The following SGCD variants were observed in gnomAD, a reference collection of about 807,000 sequenced individuals.
The protein encoded by SGCD is sarcoglycan delta.
Under a neutral mutation model 36.6 loss-of-function variants are expected in SGCD, and 18 were observed. That is an observed-to-expected ratio of 0.49 (90% CI 0.34 to 0.73). The LOEUF is 0.73. Ranked by LOEUF, SGCD falls within the 30% of genes least tolerant of loss-of-function variation. The pLI is 0.01. For synonymous variants in SGCD, 133 were observed against 130.6 expected (o/e 1.02, Z -0.12); for missense variants, 387 against 346.7 (o/e 1.12, Z -0.92).
chr5:156,443,590 G>T (rs1753599901), intron 3 of SGCD, among the ~76,000 whole-genome samples: 1 of 152,066 alleles, frequency 6.6e-6, no homozygotes, highest in South Asian at 2.1e-4. Flanking sequence ...CTGGGTCACT[G>T]CTAATTGGGT....
At chr5:155,873,756 G>GT (rs1755707050) in intron 1 of SGCD, among the ~76,000 whole-genome samples, 1 of 151,994 alleles carries the variant, frequency 6.6e-6, no homozygotes, top group South Asian at 2.1e-4. Flanking sequence ...CTCTCAAAAA[G>GT]TTAAAAAAGC....
chr5:156,341,370 T>C (rs571373986), intron 2 of SGCD, among the ~76,000 whole-genome samples: 6 of 152,284 alleles, frequency 3.9e-5, no homozygotes, highest in Admixed American at 2.0e-4. Flanking sequence ...CTAGAGTTTC[T>C]TGCAAGACTT....
the SGCD span, among the ~76,000 whole-genome samples, chr5:155,745,586 G>C: frequency 6.6e-6 from 1 of 151,716 alleles, no homozygotes; most frequent in South Asian, 2.1e-4. Flanking sequence ...TGTAAAGTAA[G>C]AGAGAAGTTA....
At chr5:156,333,298 T>C (rs1213521036) in intron 2 of SGCD, among the ~76,000 whole-genome samples, 1 of 152,178 alleles carries the variant, frequency 6.6e-6, no homozygotes, top group African/African-American at 2.4e-5. Context: ...TTATAGGTTT[T>C]AGAGACATAT....
At chr5:156,291,035 C>T (rs915958764) in intron 3 of SGCD, among the ~76,000 whole-genome samples, 13 of 152,088 alleles carry the variant, frequency 8.5e-5, no homozygotes, top group African/African-American at 3.1e-4. Flanking sequence ...CGGCCCTTGA[C>T]ATCCACACGT....
At chr5:156,757,918 AATGGC>A (rs1757402858) in intron 8 of SGCD, 1 of 1,315,722 alleles carries the variant, frequency 7.6e-7, no homozygotes, top group East Asian at 2.8e-5. Flanking sequence ...ATGCAGAGAT[AATGGC>A]ATGTATTCCA....
At position 156,766,797 on chromosome 5, in the gene SGCD, T is replaced by C. The variant is rs2113213746; in HGVS notation, c.*7407T>C. ...AGATTAGAAACCATAATGCCCTTGT[T>C]AAAGCCCTGCTGTCAACCTGCCTTC... On this transcript the variant is annotated 3_prime_UTR_variant, in exon 9 of 9. Transcript: ENST00000337851. 1 of 152,136 alleles carries C rather than the reference T, an allele frequency of 6.6e-6. No homozygotes were observed. Among genetic ancestry groups the C allele is most frequent in the Middle Eastern group, 3.4e-3 (1 of 294 alleles). The allele number at this position is 152,136 out of a possible 1,614,324, so 9.4% of individuals were successfully genotyped here.
chr5:155,730,313 A>T, the SGCD span, among the ~76,000 whole-genome samples: 1 of 152,154 alleles, frequency 6.6e-6, no homozygotes, highest in Non-Finnish European at 1.5e-5. Context: ...TAACTTCTTC[A>T]TGAGTAACTT....
intron 1 of SGCD, among the ~76,000 whole-genome samples, chr5:155,996,115 G>GT (rs1471146027): frequency 4.0e-5 from 6 of 150,168 alleles, no homozygotes; most frequent in Non-Finnish European, 8.9e-5. Context: ...TATTATGTTT[G>GT]TTTTTTTAAC....
At chr5:155,780,419 C>G in the SGCD span, among the ~76,000 whole-genome samples, 1 of 152,092 alleles carries the variant, frequency 6.6e-6, no homozygotes, top group Non-Finnish European at 1.5e-5. Context: ...TTCTCTGTAG[C>G]GGAACTCCTG....
chr5:156,125,837 C>CTTTTAT (rs1561530061), intron 3 of SGCD, among the ~76,000 whole-genome samples: 1 of 133,158 alleles, frequency 7.5e-6, no homozygotes, highest in Non-Finnish European at 1.6e-5. Context: ...CCCACTCATT[C>CTTTTAT]TTTTATTATT....
intron 7 of SGCD, among the ~76,000 whole-genome samples, chr5:156,649,188 G>A (rs572319537): frequency 6.6e-5 from 10 of 152,176 alleles, no homozygotes; most frequent in East Asian, 3.9e-4. Flanking sequence ...TTAGAGTGGC[G>A]ATCATTAAAA....
At chr5:156,732,986 TCTAC>T (rs916128120) in intron 7 of SGCD, among the ~76,000 whole-genome samples, 2 of 152,040 alleles carry the variant, frequency 1.3e-5, no homozygotes, top group African/African-American at 4.8e-5. Flanking sequence ...TGCCTAGCAG[TCTAC>T]CTATGTTATT....
At chr5:155,966,364 A>G (rs1435583612) in intron 1 of SGCD, among the ~76,000 whole-genome samples, 2 of 152,142 alleles carry the variant, frequency 1.3e-5, no homozygotes, top group Admixed American at 1.3e-4. Context: ...CTCTTGGCTT[A>G]TCTGAGTCAC....
intron 3 of SGCD, among the ~76,000 whole-genome samples, chr5:156,404,860 C>G (rs1038246952): frequency 6.6e-6 from 1 of 152,116 alleles, no homozygotes; most frequent in Non-Finnish European, 1.5e-5. Flanking sequence ...GATCCTTGCT[C>G]CCTGGAGTAA....
At chr5:156,169,128 C>T (rs573670234) in intron 3 of SGCD, among the ~76,000 whole-genome samples, 1 of 152,324 alleles carries the variant, frequency 6.6e-6, no homozygotes, top group East Asian at 1.9e-4. Flanking sequence ...CTAATTGCCC[C>T]CAGGCTCCTT....
intron 1 of SGCD, among the ~76,000 whole-genome samples, chr5:156,082,929 G>C (rs948749882): frequency 2.0e-5 from 3 of 151,278 alleles, no homozygotes; most frequent in Non-Finnish European, 2.9e-5. Context: ...ATTTGATGTT[G>C]TCGCTAATTT....
intron 2 of SGCD, among the ~76,000 whole-genome samples, chr5:156,333,923 T>C (rs1365693501): frequency 1.3e-5 from 2 of 149,406 alleles, no homozygotes; most frequent in Non-Finnish European, 3.0e-5. Context: ...CTAGAATTTA[T>C]GGGAAACATA....
At chr5:156,584,879 ACTCT>A (rs1760429022) in intron 4 of SGCD, among the ~76,000 whole-genome samples, 1 of 152,026 alleles carries the variant, frequency 6.6e-6, no homozygotes, top group South Asian at 2.1e-4. Context: ...TTTGTTGACA[ACTCT>A]CACTCTCTGT....
Sources: gnomAD v4.1 joint callset for allele counts (sites outside exome capture counted in the v4.1 genomes callset) on GRCh38, gnomAD v4.1.1 for gene constraint, MANE v1.5 for transcripts, NCBI Gene and HGNC (gene_info 2026-07-23, HGNC 2026-07-21) for gene names.